FCRL5: variants seen among roughly 807,000 people sequenced by gnomAD.
The protein encoded by FCRL5 is Fc receptor like 5.
FCRL5 carries 79 observed loss-of-function variants against 92.1 expected under a neutral mutation model. The ratio of observed to expected loss-of-function variants is 0.86; its 90% CI spans 0.72 to 1.03. The LOEUF (loss-of-function observed/expected upper bound fraction) is 1.03, where lower values mean the gene tolerates loss of function less well. FCRL5 is among the 50% of genes least tolerant of loss of function. FCRL5 has a pLI of 0.00. For synonymous variants in FCRL5, 466 were observed against 469.3 expected (o/e 0.99, Z 0.09); for missense variants, 1,160 against 1,181.1 (o/e 0.98, Z 0.26).
chr1:157,536,822 T>C lies in FCRL5; in HGVS notation c.1403-1930A>G, dbSNP rs139820601. 3.6e-3 allele frequency among the ~76,000 whole-genome samples: 541 copies of C among 152,362 alleles called. 5 individuals carry two copies. The highest frequency in any genetic ancestry group is 0.013 in the African/African-American group (522 of 41,590). On this transcript the variant is annotated intron_variant, in intron 7 of 16. Transcript: ENST00000361835. ...CAACTGAAGCCATGGCAGAAGAACA[T>C]AAATTTTGAAGATTTCATGGACATT...
chr1:157,529,196 T>C (rs73011548), intron 8 of FCRL5, among the ~76,000 whole-genome samples: 13,280 of 152,172 alleles, frequency 0.087, 1,555 homozygotes, highest in African/African-American at 0.27. Context: ...CCAGCAAACA[T>C]GTAAACGTGC....
Position 157,542,947 on chromosome 1 carries a change from C to T in FCRL5, c.1035G>A (p.Leu345=). ...CERGASISFS[L]TTENSGNYYC... ...AGTAGTTCCCTGAATTCTCTGTAGT[C>T]AGTGAGAAGCTGATGGATGCTCCCC... The change falls in exon 6 of 17, where the codon CTG becomes CTA. Residue 345 remains leucine, a synonymous_variant. Coordinates refer to ENST00000361835, the MANE Select transcript of FCRL5 (RefSeq NM_031281.3). 1 of 1,614,206 alleles carries T rather than the reference C, an allele frequency of 6.2e-7. No homozygotes were observed. The highest frequency in any genetic ancestry group is 8.5e-7 in the Non-Finnish European group (1 of 1,180,036).
At chr1:157,537,424 C>G (rs965293035) in intron 7 of FCRL5, among the ~76,000 whole-genome samples, 1 of 152,144 alleles carries the variant, frequency 6.6e-6, no homozygotes, top group Non-Finnish European at 1.5e-5. Flanking sequence ...TTTGGTCAGA[C>G]TGGTTGTCTG....
In FCRL5 at chr1:157,515,802, G is replaced by C. The variant is rs200003606; in HGVS notation, c.2845-38C>G. On this transcript the variant is annotated intron_variant, in intron 16 of 16. Coordinates refer to ENST00000361835, the MANE Select transcript of FCRL5 (RefSeq NM_031281.3). Reference sequence around the variant, plus strand: ...AGCACATGCGTGAGGACCAGGGTGGGCCTGGGGGTGGGGGAGGGCATGCAG... The same window carrying C: ...AGCACATGCGTGAGGACCAGGGTGGCCCTGGGGGTGGGGGAGGGCATGCAG... 157 of 1,613,054 alleles carry C rather than the reference G, an allele frequency of 9.7e-5. No individual in the cohort carries two copies. In the African/African-American group the frequency reaches 1.7e-3, roughly 17 times the overall value.
In FCRL5 at chr1:157,518,485, C is replaced by T; in HGVS notation, c.2756G>A (p.Gly919Glu). 3 of 1,614,146 alleles carry T rather than the reference C, an allele frequency of 1.9e-6. No individual in the cohort carries two copies. Among genetic ancestry groups the T allele is most frequent in the East Asian group, 2.2e-5 (1 of 44,892 alleles). Residue 919 changes from glycine to glutamate, a missense_variant, in exon 15 of 17, where the codon GGA (glycine) becomes GAA (glutamate). Transcript: ENST00000361835. ...TACTTCTGAGTAAACCACATTTTCT[C>T]CTCTAGGATTTGCTTAGAAAAAAGT... ...QPVYTNANPRGENVVYSEVRI... is the reference protein window; with the variant it reads ...QPVYTNANPREENVVYSEVRI...
At chr1:157,521,837 A>C (rs1161711233) in intron 10 of FCRL5, 1 of 152,418 alleles carries the variant, frequency 6.6e-6, no homozygotes, top group Non-Finnish European at 1.5e-5. Context: ...ATGAGGCAGG[A>C]GGATTACTTG....
At chr1:157,520,784 G>A (rs550577109) in intron 11 of FCRL5, among the ~76,000 whole-genome samples, 28 of 152,376 alleles carry the variant, frequency 1.8e-4, no homozygotes, top group African/African-American at 6.3e-4. Context: ...GAGGCAGCCA[G>A]GTGAGGACCT....
intron 1 of FCRL5, 104 bp from the exon 2 acceptor site, chr1:157,549,684 A>C: frequency 2.1e-6 from 2 of 967,524 alleles, no homozygotes; most frequent in Non-Finnish European, 3.0e-6. Flanking sequence ...GTCCCTTTAA[A>C]AAATTCATTT....
At chr1:157,551,818 G>C (rs1007798514) in intron 1 of FCRL5, among the ~76,000 whole-genome samples, 32 of 152,160 alleles carry the variant, frequency 2.1e-4, no homozygotes, top group African/African-American at 7.5e-4. Context: ...GTCCACCTAC[G>C]CCTCTGCGAC....
chr1:157,543,038 A>G lies in FCRL5; in HGVS notation c.944T>C (p.Leu315Pro), dbSNP rs753642793. The G allele has an allele frequency of 6.2e-7, 1 of 1,614,254 alleles. No individual in the cohort carries two copies. Among genetic ancestry groups the G allele is most frequent in the Non-Finnish European group, 8.5e-7 (1 of 1,180,034 alleles). Residue 315 changes from leucine to proline, a missense_variant, in exon 6 of 17, where the codon CTG (leucine) becomes CCG (proline). By Grantham distance (98) the Leu-to-Pro change is moderately conservative. Coordinates refer to ENST00000361835, the MANE Select transcript of FCRL5 (RefSeq NM_031281.3). ...ATGATAAAACCTGTACAAAGTGCGC[A>G]GAGAATCTTCCTGGGTTTCACAGTG... ...TLHCETQEDS[L>P]RTLYRFYHEG...
chr1:157,549,367 A>G (rs1458369173), intron 2 of FCRL5, among the ~76,000 whole-genome samples, 193 bp downstream of exon 2: 1 of 152,100 alleles, frequency 6.6e-6, no homozygotes, highest in East Asian at 1.9e-4. Flanking sequence ...GCGCACCAAC[A>G]TGGCACATGT....
intron 7 of FCRL5, among the ~76,000 whole-genome samples, chr1:157,537,901 C>T (rs1651051273): frequency 6.6e-6 from 1 of 152,234 alleles, no homozygotes; most frequent in Non-Finnish European, 1.5e-5. Flanking sequence ...TCTGCTCCTG[C>T]AGCCACCAGG....
chr1:157,550,850 A>G (rs1486015271), intron 1 of FCRL5, among the ~76,000 whole-genome samples: 4 of 152,230 alleles, frequency 2.6e-5, no homozygotes, highest in African/African-American at 7.2e-5. Context: ...GGTATTCTGC[A>G]TATGGGTTGA....
At position 157,524,314 on chromosome 1, in the gene FCRL5, G is replaced by A. The variant is rs1650325422; in HGVS notation, c.2204C>T (p.Ala735Val). Reference sequence around the variant, plus strand: ...CAGTGTCACCATCTCACTGCGCTGGGCCTCCAGACCATTGTCTGCCTCACA... The same window carrying A: ...CAGTGTCACCATCTCACTGCGCTGGACCTCCAGACCATTGTCTGCCTCACA... ...YSCEADNGLEAQRSEMVTLKV... is the reference protein window; with the variant it reads ...YSCEADNGLEVQRSEMVTLKV... Residue 735 changes from alanine to valine, a missense_variant, in exon 10 of 17, where the codon GCC (alanine) becomes GTC (valine). Transcript: ENST00000361835. 2.5e-6 allele frequency: 4 copies of A among 1,614,260 alleles called. No homozygotes were observed. Among genetic ancestry groups the A allele is most frequent in the Non-Finnish European group, 2.5e-6 (3 of 1,180,050 alleles).
At chr1:157,543,215 C>A (rs948366572) in intron 5 of FCRL5, 78 bp from the exon 6 acceptor site, 3 of 1,351,816 alleles carry the variant, frequency 2.2e-6, no homozygotes, top group East Asian at 2.4e-5. Flanking sequence ...GTGCAAATGC[C>A]CAGTCTCCAG....
In FCRL5 at chr1:157,547,000, T is replaced by G; in HGVS notation, c.250A>C (p.Arg84=). 2 of 1,614,212 alleles carry G rather than the reference T, an allele frequency of 1.2e-6. No individual in the cohort carries two copies. Among genetic ancestry groups the G allele is most frequent in the Non-Finnish European group, 1.7e-6 (2 of 1,180,030 alleles). The change falls in exon 3 of 17, where the codon AGA becomes CGA. Residue 84 remains arginine (R), a synonymous_variant. Transcript: ENST00000361835. ...AGAGGGGAGCCCTGGGCCTGGCATC[T>G]GTACTCTCCAGATTCCTGAACCTCA... ...ILEVQESGEY[R]CQAQGSPLSS... is the part of the protein sequence containing the mutation.
chr1:157,519,891 T>A, intron 12 of FCRL5, 121 bp from the exon 13 acceptor site: 1 of 1,016,742 alleles, frequency 9.8e-7, no homozygotes, highest in Non-Finnish European at 1.5e-6. Context: ...TGAATCCTTC[T>A]TTGTTATGCC....
intron 10 of FCRL5, chr1:157,522,828 A>G (rs781296173): frequency 1.3e-5 from 2 of 152,238 alleles, no homozygotes; most frequent in African/African-American, 2.4e-5. Context: ...AATCATAAGT[A>G]TAGAATGTAG....
In FCRL5 at chr1:157,515,875, T is replaced by C; in HGVS notation, c.2813-2A>G. ...TGAGATGCCTGGGGTCAGAGGCCAC[T>C]GTGGAAAGAGGAAAGTGTTCAGTTG... is the stretch of plus-strand genomic sequence containing the variant. On this transcript the variant is annotated splice_acceptor_variant, in intron 15 of 16. Transcript: ENST00000361835. LOFTEE classifies it high-confidence loss of function. 6.2e-7 allele frequency: 1 copy of C among 1,613,740 alleles called. No homozygotes were observed. Among genetic ancestry groups the C allele is most frequent in the Non-Finnish European group, 8.5e-7 (1 of 1,179,980 alleles).
Sources: allele counts gnomAD v4.1 joint callset (sites outside exome capture counted in the v4.1 genomes callset), GRCh38; gene constraint gnomAD v4.1.1; transcripts MANE v1.5; gene names NCBI Gene and HGNC (gene_info 2026-07-23, HGNC 2026-07-21).